Variants in VPS13B observed in about 807,000 individuals in gnomAD.
VPS13B encodes vacuolar protein sorting 13 homolog B.
In VPS13B, 285 loss-of-function variants were observed where a neutral mutation model predicts 426.4. The ratio of observed to expected loss-of-function variants is 0.67; its 90% CI spans 0.61 to 0.74. The LOEUF (loss-of-function observed/expected upper bound fraction) is 0.74, where lower values mean the gene tolerates loss of function less well. Ranked by LOEUF, VPS13B falls within the 30% of genes least tolerant of loss-of-function variation. The pLI is 0.00. For missense variants in VPS13B, 4,537 were observed against 4,782.6 expected (o/e 0.95, Z 1.51); for synonymous variants, 1,676 against 1,676.4 (o/e 1.00, Z 0.01).
chr8:99,766,751 A>G, intron 39 of VPS13B, 23 bp from the exon 40 acceptor site: 4 of 1,602,662 alleles, frequency 2.5e-6, no homozygotes, highest in Non-Finnish European at 3.4e-6. Context: ...TGCAACTTCT[A>G]AATTTTTTTT....
intron 51 of VPS13B, among the ~76,000 whole-genome samples, chr8:99,826,008 C>A (rs1030123477): frequency 6.6e-6 from 1 of 152,078 alleles, no homozygotes; most frequent in African/African-American, 2.4e-5. Flanking sequence ...TAGCGTGATG[C>A]CCCCAGCTTT....
chr8:99,308,461 C>A (rs967525979), intron 19 of VPS13B, among the ~76,000 whole-genome samples: 2 of 151,852 alleles, frequency 1.3e-5, no homozygotes, highest in Admixed American at 6.6e-5. Flanking sequence ...TAGTTTGCTG[C>A]GAATGATGGT....
chr8:99,834,407 A>G (rs529715841), intron 52 of VPS13B, among the ~76,000 whole-genome samples: 1 of 152,334 alleles, frequency 6.6e-6, no homozygotes, highest in East Asian at 1.9e-4. Context: ...ATCAAAATGT[A>G]CATTTTTTAA....
At chr8:99,852,885 G>C (rs1424226935) in intron 55 of VPS13B, among the ~76,000 whole-genome samples, 1 of 152,132 alleles carries the variant, frequency 6.6e-6, no homozygotes, top group Non-Finnish European at 1.5e-5. Flanking sequence ...TGGAGGAAAG[G>C]GGTGTGAGTT....
chr8:99,498,541 AC>A (rs904319601), intron 25 of VPS13B, among the ~76,000 whole-genome samples: 26 of 152,260 alleles, frequency 1.7e-4, no homozygotes, highest in South Asian at 1.2e-3. Flanking sequence ...AATAAAAAAA[AC>A]AATAAAAAAG....
chr8:99,460,336 GGTAA>G (rs1394986545), intron 23 of VPS13B, among the ~76,000 whole-genome samples: 2 of 151,686 alleles, frequency 1.3e-5, no homozygotes, highest in Non-Finnish European at 2.9e-5. Flanking sequence ...AATTAATTCT[GGTAA>G]ATTATGGAAA....
intron 16 of VPS13B, among the ~76,000 whole-genome samples, chr8:99,187,711 G>A (rs1222169834): frequency 6.6e-6 from 1 of 152,204 alleles, no homozygotes; most frequent in Admixed American, 6.5e-5. Flanking sequence ...ACTCATGCCT[G>A]TAATCCCAAC....
chr8:99,170,085 C>T lies in VPS13B; in HGVS notation c.2255C>T (p.Ser752Phe). 6.2e-7 allele frequency: 1 copy of T among 1,612,876 alleles called. No individual in the cohort carries two copies. The change falls in exon 16 of 62, where the codon TCT becomes TTT. Residue 752 changes from serine (S) to phenylalanine (F), a missense_variant. This residue lies in a region of VPS13B where 4,311 missense variants were observed against 4,474.3 expected (regional missense o/e 0.96). Transcript: ENST00000357162. ...CTGACGTCTTTGGATTGCAGTGGAT[C>T]TTACTGCTTACCTGTACCAGTTATT... is the stretch of plus-strand genomic sequence containing the variant. Reference protein sequence around the residue: ...AGLTSLDCSGSYCLPVPVIPS... With the variant: ...AGLTSLDCSGFYCLPVPVIPS...
rs563910093 is a variant in VPS13B at position 99,816,901 on chromosome 8, A to G, written c.8098-639A>G. ...TGTTTATACAGAGATTTCTTACTAGATAAGAGTGAAATAAACCCTTGAAAA... is the reference window on the plus strand; with the variant it reads ...TGTTTATACAGAGATTTCTTACTAGGTAAGAGTGAAATAAACCCTTGAAAA... On this transcript the variant is annotated intron_variant, in intron 44 of 61. Coordinates refer to ENST00000357162, the MANE Select transcript of VPS13B (RefSeq NM_152564.5). 2.6e-5 allele frequency among the ~76,000 whole-genome samples: 4 copies of G among 152,332 alleles called. No homozygotes were observed. The East Asian group carries it at 5.8e-4, about 22-fold the overall frequency.
intron 2 of VPS13B, among the ~76,000 whole-genome samples, chr8:99,038,194 G>T (rs947834673): frequency 2.0e-5 from 3 of 152,044 alleles, no homozygotes; most frequent in Non-Finnish European, 4.4e-5. Flanking sequence ...CAAGGTATTT[G>T]ATGCTACTTT....
chr8:99,327,114 A>G (rs1248273256), intron 19 of VPS13B, among the ~76,000 whole-genome samples: 1 of 152,142 alleles, frequency 6.6e-6, no homozygotes, highest in Admixed American at 6.5e-5. Flanking sequence ...ACAAAGGTGT[A>G]CCCCTTGGGT....
intron 19 of VPS13B, among the ~76,000 whole-genome samples, chr8:99,319,871 A>C (rs1007397274): frequency 6.6e-6 from 1 of 152,186 alleles, no homozygotes; most frequent in Admixed American, 6.5e-5. Context: ...TGGATTAAAT[A>C]ATATAACGTA....
At chr8:99,805,509 C>T (rs1047086876) in intron 43 of VPS13B, among the ~76,000 whole-genome samples, 2 of 151,964 alleles carry the variant, frequency 1.3e-5, no homozygotes, top group Admixed American at 6.6e-5. Flanking sequence ...GGAATTCTCC[C>T]TTTGGACAAA....
intron 20 of VPS13B, among the ~76,000 whole-genome samples, chr8:99,386,317 A>T (rs1814120828): frequency 6.6e-6 from 1 of 152,232 alleles, no homozygotes; most frequent in Admixed American, 6.5e-5. Context: ...ACATACAATC[A>T]CGTGCCCCTT....
intron 19 of VPS13B, among the ~76,000 whole-genome samples, chr8:99,309,341 C>T (rs1427924890): frequency 2.0e-5 from 3 of 152,086 alleles, no homozygotes; most frequent in Non-Finnish European, 4.4e-5. Context: ...TTTAATCCAT[C>T]GTGAATTAAT....
intron 34 of VPS13B, among the ~76,000 whole-genome samples, chr8:99,656,986 C>A (rs531736888): frequency 2.0e-5 from 3 of 152,306 alleles, no homozygotes; most frequent in Non-Finnish European, 4.4e-5. Flanking sequence ...TAAATTCAGG[C>A]ATACTTTAAA....
chr8:99,136,593 A>C, intron 11 of VPS13B, 72 bp from the exon 12 acceptor site: 2 of 1,434,146 alleles, frequency 1.4e-6, no homozygotes, highest in South Asian at 2.3e-5. Context: ...ATATGTGTCT[A>C]ACCTATCAAG....
chr8:99,781,628 GA>G (rs1285449338), intron 42 of VPS13B, among the ~76,000 whole-genome samples: 1 of 152,068 alleles, frequency 6.6e-6, no homozygotes, highest in Non-Finnish European at 1.5e-5. Context: ...ATATTCTTTA[GA>G]AAAATGTAAA....
intron 21 of VPS13B, among the ~76,000 whole-genome samples, chr8:99,422,938 G>A (rs1816455306): frequency 6.6e-6 from 1 of 152,120 alleles, no homozygotes; most frequent in Non-Finnish European, 1.5e-5. Context: ...CCACACATAT[G>A]TTTGAGTTTT....
Sources: gnomAD v4.1 joint callset for allele counts (sites outside exome capture counted in the v4.1 genomes callset) on GRCh38, gnomAD v4.1.1 for gene constraint, gnomAD v4.1.1 regional missense constraint, MANE v1.5 for transcripts, NCBI Gene and HGNC (gene_info 2026-07-23, HGNC 2026-07-21) for gene names.